INSYN2B: variants seen among roughly 807,000 people sequenced by gnomAD.
The protein encoded by INSYN2B is inhibitory synaptic factor family member 2B.
A neutral mutation model predicts 41.2 loss-of-function variants in INSYN2B; 16 were observed. The observed-to-expected ratio is 0.39, with a 90% CI of 0.26 to 0.59. The LOEUF is 0.59. Among genes scored for constraint, INSYN2B ranks in the 20% least tolerant of loss-of-function variants. The probability of loss-of-function intolerance (pLI) is 0.57; values close to 1 mark genes in which losing one functional copy is unlikely to be tolerated. For synonymous variants in INSYN2B, 245 were observed against 244.4 expected (o/e 1.00, Z -0.02); for missense variants, 608 against 646.4 (o/e 0.94, Z 0.64).
At chr5:169,916,182 A>G (rs1774865756) in intron 1 of INSYN2B, among the ~76,000 whole-genome samples, 1 of 152,224 alleles carries the variant, frequency 6.6e-6, no homozygotes, top group African/African-American at 2.4e-5. Context: ...AATTCTGAAA[A>G]TAGAGTCTTT....
At chr5:169,893,426 A>G (rs1029767260) in intron 1 of INSYN2B, among the ~76,000 whole-genome samples, 12 of 147,826 alleles carry the variant, frequency 8.1e-5, no homozygotes, top group Admixed American at 4.7e-4. Flanking sequence ...GATTTTTCTG[A>G]TATTTTTCAA....
At chr5:169,951,949 C>G (rs1257863788) in intron 1 of INSYN2B, among the ~76,000 whole-genome samples, 1 of 152,222 alleles carries the variant, frequency 6.6e-6, no homozygotes, top group Non-Finnish European at 1.5e-5. Flanking sequence ...CTATGTTATT[C>G]TGACCATCTC....
intron 1 of INSYN2B, among the ~76,000 whole-genome samples, chr5:169,947,287 T>A (rs1465897827): frequency 6.6e-6 from 1 of 152,180 alleles, no homozygotes; most frequent in Non-Finnish European, 1.5e-5. Flanking sequence ...GTTCCAAGAT[T>A]GTGAAGAGGA....
intron 1 of INSYN2B, among the ~76,000 whole-genome samples, chr5:169,957,946 C>T (rs532633457): frequency 6.6e-5 from 10 of 152,250 alleles, no homozygotes; most frequent in Non-Finnish European, 1.3e-4. Context: ...AAGTCCACTG[C>T]GAGGGAGTAG....
chr5:169,922,181 A>T lies in INSYN2B; in HGVS notation c.-918-37365T>A, dbSNP rs2113654355. Among the ~76,000 whole-genome samples, 6 of 152,318 alleles carry T rather than the reference A, an allele frequency of 3.9e-5. No individual in the cohort carries two copies. The Middle Eastern group carries it at 0.014, about 345-fold the overall frequency. On this transcript the variant is annotated intron_variant, in intron 1 of 3. Coordinates refer to ENST00000377365, the MANE Select transcript of INSYN2B (RefSeq NM_001129891.3). The stretch of plus-strand genomic sequence containing the variant: ...GCATAGCTAGGGTGCAGCTTTTGGA[A>T]GAAGCTCTCCAGAAAAAATTACAGT...
At chr5:169,886,542 AT>A (rs1772982105) in intron 1 of INSYN2B, among the ~76,000 whole-genome samples, 1 of 152,232 alleles carries the variant, frequency 6.6e-6, no homozygotes, top group South Asian at 2.1e-4. Context: ...TCCCTAGTCC[AT>A]AATAGTTATT....
intron 1 of INSYN2B, among the ~76,000 whole-genome samples, chr5:169,898,256 C>A (rs1773722291): frequency 6.6e-6 from 1 of 152,290 alleles, no homozygotes. Context: ...CTGCCATGGT[C>A]TCCTTTCTCA....
chr5:169,880,827 A>G (rs934435374), intron 3 of INSYN2B, among the ~76,000 whole-genome samples: 10 of 152,190 alleles, frequency 6.6e-5, no homozygotes, highest in Admixed American at 2.0e-4. Context: ...TGTCACTTAT[A>G]AAAATTTACT....
At chr5:169,908,701 CTTTTCTT>C (rs1774423554) in intron 1 of INSYN2B, among the ~76,000 whole-genome samples, 1 of 143,328 alleles carries the variant, frequency 7.0e-6, no homozygotes, top group Non-Finnish European at 1.5e-5. Context: ...GCATTTTTCT[CTTTTCTT>C]TTTTCTTTTT....
chr5:169,922,962 T>C (rs534266078), intron 1 of INSYN2B, among the ~76,000 whole-genome samples: 1 of 152,378 alleles, frequency 6.6e-6, no homozygotes, highest in Admixed American at 6.5e-5. Context: ...AAGCACTTTG[T>C]AAATATCGAA....
chr5:169,886,017 A>T (rs1418816853), intron 1 of INSYN2B, among the ~76,000 whole-genome samples: 2 of 151,984 alleles, frequency 1.3e-5, no homozygotes, highest in African/African-American at 4.8e-5. Context: ...TGAAGTTATG[A>T]CTCTGCCCTT....
At chr5:169,914,855 A>G (rs1408642512) in intron 1 of INSYN2B, among the ~76,000 whole-genome samples, 1 of 152,212 alleles carries the variant, frequency 6.6e-6, no homozygotes, top group Non-Finnish European at 1.5e-5. Context: ...CCATGGAGTA[A>G]ATGATCTACA....
chr5:169,935,668 T>C (rs17670466), intron 1 of INSYN2B, among the ~76,000 whole-genome samples: 7,688 of 152,264 alleles, frequency 0.05, 500 homozygotes, highest in African/African-American at 0.15. Context: ...GCCGATGCGG[T>C]GAAGTCATCC....
At chr5:169,959,661 T>C (rs193125435) in intron 1 of INSYN2B, among the ~76,000 whole-genome samples, 9 of 152,264 alleles carry the variant, frequency 5.9e-5, no homozygotes, top group Middle Eastern at 3.4e-3. Context: ...TAAAGGACTT[T>C]AGGGAGTCCG....
chr5:169,947,626 C>T (rs1162295191), intron 1 of INSYN2B, among the ~76,000 whole-genome samples: 1 of 152,214 alleles, frequency 6.6e-6, no homozygotes, highest in East Asian at 1.9e-4. Context: ...TCTTATTCCT[C>T]TCCCTCCAAA....
At chr5:169,903,924 G>A (rs988972334) in intron 1 of INSYN2B, among the ~76,000 whole-genome samples, 1 of 151,784 alleles carries the variant, frequency 6.6e-6, no homozygotes, top group African/African-American at 2.4e-5. Context: ...ACATGGCGAA[G>A]CTCTGCCTCT....
At chr5:169,924,510 C>G (rs1435441887) in intron 1 of INSYN2B, among the ~76,000 whole-genome samples, 2 of 152,186 alleles carry the variant, frequency 1.3e-5, no homozygotes, top group African/African-American at 2.4e-5. Context: ...AATTAGGAAT[C>G]TGAGAATCTT....
At chr5:169,876,188 C>T (rs1000648290) in intron 3 of INSYN2B, among the ~76,000 whole-genome samples, 1 of 152,214 alleles carries the variant, frequency 6.6e-6, no homozygotes, top group Non-Finnish European at 1.5e-5. Context: ...CTTGTGATTA[C>T]ACTGGGCCCA....
chr5:169,897,423 A>G, intron 1 of INSYN2B, among the ~76,000 whole-genome samples: 1 of 151,994 alleles, frequency 6.6e-6, no homozygotes, highest in African/African-American at 2.4e-5. Context: ...TCTCCTAACC[A>G]CATGATCCTC....
Sources: allele counts gnomAD v4.1 joint callset (sites outside exome capture counted in the v4.1 genomes callset), GRCh38; gene constraint gnomAD v4.1.1; transcripts MANE v1.5; gene names NCBI Gene and HGNC (gene_info 2026-07-23, HGNC 2026-07-21).